Variants in GIPC2 observed in about 807,000 individuals in gnomAD.
The protein encoded by GIPC2 is PDZ domain-containing protein GIPC2.
A neutral mutation model predicts 30.6 loss-of-function variants in GIPC2; 30 were observed. The ratio of observed to expected loss-of-function variants is 0.98; its 90% CI spans 0.73 to 1.33. GIPC2 has a LOEUF of 1.33. Among genes scored for constraint, GIPC2 ranks in the 40% most tolerant of loss-of-function variants. GIPC2 has a pLI of 0.00. For missense variants in GIPC2, 414 were observed against 390.3 expected (o/e 1.06, Z -0.51); for synonymous variants, 167 against 150.0 (o/e 1.11, Z -0.83).
At chr1:78,048,505 T>C (rs1661138364) in intron 1 of GIPC2, among the ~76,000 whole-genome samples, 1 of 151,890 alleles carries the variant, frequency 6.6e-6, no homozygotes, top group Non-Finnish European at 1.5e-5. Context: ...TAGCTCACTA[T>C]AGCTTCAAAC....
intron 3 of GIPC2, among the ~76,000 whole-genome samples, chr1:78,118,892 G>A (rs911702076): frequency 6.6e-6 from 1 of 152,118 alleles, no homozygotes; most frequent in African/African-American, 2.4e-5. Flanking sequence ...TATTAAATGG[G>A]ATTTTTTAAT....
chr1:78,090,234 G>A (rs750457880), intron 2 of GIPC2, among the ~76,000 whole-genome samples: 28 of 152,030 alleles, frequency 1.8e-4, no homozygotes, highest in Admixed American at 2.6e-4. Flanking sequence ...TCACTCTGTC[G>A]CCCAGGCTGT....
chr1:78,101,240 C>T (rs550228224), intron 3 of GIPC2, among the ~76,000 whole-genome samples: 61 of 152,270 alleles, frequency 4.0e-4, no homozygotes, highest in Non-Finnish European at 7.9e-4. Context: ...GATCAAGTCA[C>T]TTGTCCCACG....
At chr1:78,095,989 G>A (rs1305485401) in intron 3 of GIPC2, among the ~76,000 whole-genome samples, 2 of 152,154 alleles carry the variant, frequency 1.3e-5, no homozygotes, top group Non-Finnish European at 2.9e-5. Flanking sequence ...GGGGAATTAT[G>A]TTTTCTGTGT....
intron 5 of GIPC2, among the ~76,000 whole-genome samples, chr1:78,130,104 C>CT (rs752502793): frequency 0.016 from 1,849 of 117,152 alleles, 38 homozygotes; most frequent in African/African-American, 0.049. Context: ...CCTAGGATCA[C>CT]TTTTTTTTTT....
At chr1:78,055,340 A>G (rs1661269057) in intron 1 of GIPC2, among the ~76,000 whole-genome samples, 1 of 152,116 alleles carries the variant, frequency 6.6e-6, no homozygotes, top group Non-Finnish European at 1.5e-5. Flanking sequence ...GGGGACACAC[A>G]CATGTTCAGT....
chr1:78,086,524 G>C (rs565716815), intron 2 of GIPC2, among the ~76,000 whole-genome samples: 1 of 152,256 alleles, frequency 6.6e-6, no homozygotes, highest in South Asian at 2.1e-4. Context: ...TCAGTAGAGT[G>C]TTGAAGTCTC....
Position 78,138,180 on chromosome 1 carries a change from G to A in GIPC2, c.*2437G>A, listed in dbSNP as rs1292832282. 5 of 152,104 alleles carry A rather than the reference G, an allele frequency of 3.3e-5. No individual in the cohort carries two copies. The highest frequency in any genetic ancestry group is 1.2e-4 in the African/African-American group (5 of 41,412). 9.4% of individuals were successfully genotyped at this position (152,104 alleles called of 1,614,324 possible). ...TCGATGAGGCCTTGAACATAGCTGA[G>A]TCCTAATCAGATGTATATACTCTGA... On this transcript the variant is annotated 3_prime_UTR_variant, in exon 6 of 6. Coordinates refer to ENST00000370759, the MANE Select transcript of GIPC2 (RefSeq NM_017655.6).
At chr1:78,135,058 A>G (rs1662974351) in intron 5 of GIPC2, among the ~76,000 whole-genome samples, 1 of 152,204 alleles carries the variant, frequency 6.6e-6, no homozygotes, top group Admixed American at 6.5e-5. Flanking sequence ...CCTTGATTCC[A>G]CAGGTAGACA....
intron 3 of GIPC2, among the ~76,000 whole-genome samples, chr1:78,098,303 G>A (rs187197095): frequency 3.3e-3 from 504 of 152,294 alleles, no homozygotes; most frequent in Non-Finnish European, 4.4e-3. Context: ...TTCAGAGAAA[G>A]AGTAAAGTCA....
chr1:78,051,991 G>A (rs951211670), intron 1 of GIPC2, among the ~76,000 whole-genome samples: 2 of 151,980 alleles, frequency 1.3e-5, no homozygotes, highest in African/African-American at 4.8e-5. Context: ...ACCTTTCATG[G>A]CTTCCCCTCT....
intron 2 of GIPC2, among the ~76,000 whole-genome samples, chr1:78,085,895 A>G (rs1371363746): frequency 1.0e-5 from 1 of 99,950 alleles, no homozygotes; most frequent in Admixed American, 1.0e-4. Context: ...GATCTTTTGA[A>G]TGTTTTTTTT....
chr1:78,108,290 T>C (rs1443215951), intron 3 of GIPC2, among the ~76,000 whole-genome samples: 1 of 152,216 alleles, frequency 6.6e-6, no homozygotes, highest in Non-Finnish European at 1.5e-5. Context: ...ATGAACTTTT[T>C]CCCCAGAGAT....
chr1:78,053,300 G>T (rs1661227420), intron 1 of GIPC2, among the ~76,000 whole-genome samples: 1 of 152,112 alleles, frequency 6.6e-6, no homozygotes, highest in Admixed American at 6.5e-5. Context: ...TTACAGATAG[G>T]TTTACTAAGA....
At chr1:78,062,376 C>T (rs1471461748) in intron 1 of GIPC2, among the ~76,000 whole-genome samples, 1 of 152,068 alleles carries the variant, frequency 6.6e-6, no homozygotes, top group African/African-American at 2.4e-5. Flanking sequence ...TTATTTCCTT[C>T]CTTCTTCTGT....
At chr1:78,073,400 A>T (rs1293759305) in intron 1 of GIPC2, among the ~76,000 whole-genome samples, 1 of 152,174 alleles carries the variant, frequency 6.6e-6, no homozygotes, top group African/African-American at 2.4e-5. Flanking sequence ...CATTGCACCC[A>T]GACTTTCTCT....
intron 1 of GIPC2, among the ~76,000 whole-genome samples, chr1:78,079,125 G>C (rs1661779642): frequency 6.6e-6 from 1 of 152,136 alleles, no homozygotes; most frequent in African/African-American, 2.4e-5. Context: ...CTACAAAGCT[G>C]AATGTATTTT....
intron 5 of GIPC2, 40 bp from the exon 6 acceptor site, chr1:78,135,552 A>C: frequency 2.5e-6 from 3 of 1,221,868 alleles, no homozygotes; most frequent in Non-Finnish European, 3.5e-6. Flanking sequence ...CTTTGATGCT[A>C]TTTCATTTAT....
intron 5 of GIPC2, among the ~76,000 whole-genome samples, chr1:78,126,914 C>T (rs551596068): frequency 4.6e-5 from 7 of 152,130 alleles, no homozygotes; most frequent in South Asian, 4.1e-4. Context: ...CTGGGTTGAA[C>T]GCTCTGGAAC....
Sources: allele counts gnomAD v4.1 joint callset (sites outside exome capture counted in the v4.1 genomes callset), GRCh38; gene constraint gnomAD v4.1.1; transcripts MANE v1.5; gene names NCBI Gene and HGNC (gene_info 2026-07-23, HGNC 2026-07-21).